ARHGEF26: variants seen among roughly 807,000 people sequenced by gnomAD.
The protein encoded by ARHGEF26 is Rho guanine nucleotide exchange factor (GEF) 26.
A neutral mutation model predicts 89.4 loss-of-function variants in ARHGEF26; 59 were observed. That is an observed-to-expected ratio of 0.66 (90% CI 0.54 to 0.82). The LOEUF (loss-of-function observed/expected upper bound fraction) is 0.82. Ranked by LOEUF, ARHGEF26 falls within the 40% of genes least tolerant of loss-of-function variation. The pLI, the probability that ARHGEF26 is intolerant of heterozygous loss-of-function variation, is 0.00. For synonymous variants in ARHGEF26, 500 were observed against 428.4 expected (o/e 1.17, Z -2.06); for missense variants, 1,234 against 1,085.6 (o/e 1.14, Z -1.92).
intron 12 of ARHGEF26, among the ~76,000 whole-genome samples, chr3:154,242,842 T>A (rs1031783309): frequency 6.6e-6 from 1 of 152,102 alleles, no homozygotes; most frequent in Non-Finnish European, 1.5e-5. Flanking sequence ...GAGCTTCATC[T>A]TCATGTGTTT....
chr3:154,245,638 G>C (rs932539793), intron 12 of ARHGEF26, among the ~76,000 whole-genome samples: 3 of 152,182 alleles, frequency 2.0e-5, no homozygotes, highest in Admixed American at 6.5e-5. Flanking sequence ...AGTGCTCGCT[G>C]TGTGTGCCAC....
chr3:154,217,874 TC>T lies in ARHGEF26; in HGVS notation c.1852del (p.Arg618AspfsTer15). On this transcript the variant is annotated frameshift_variant, in exon 10 of 15. Transcript: ENST00000465093. LOFTEE classifies it high-confidence loss of function. The part of the protein sequence containing the change: ...RALKEVSKLV[R>X]LCNEGARKME... The stretch of plus-strand genomic sequence containing the variant: ...TTACTCTTCTGTGTTCCCAGTTGGT[TC>T]GACTATGCAATGAGGGCGCCCGGAA... 6.3e-7 allele frequency: 1 copy of T among 1,596,884 alleles called. No homozygotes were observed.
intron 6 of ARHGEF26, among the ~76,000 whole-genome samples, chr3:154,172,828 A>G (rs1372738060): frequency 6.6e-6 from 1 of 152,184 alleles, no homozygotes; most frequent in African/African-American, 2.4e-5. Context: ...TTTTTGGGTC[A>G]TTTGTAGTGA....
At chr3:154,247,297 T>C (rs1292343758) in intron 12 of ARHGEF26, among the ~76,000 whole-genome samples, 2 of 152,208 alleles carry the variant, frequency 1.3e-5, no homozygotes, top group Admixed American at 1.3e-4. Flanking sequence ...ATTGACACTC[T>C]TTTGCGTTAT....
At chr3:154,126,874 T>C (rs1333321873) in intron 3 of ARHGEF26, among the ~76,000 whole-genome samples, 1 of 152,188 alleles carries the variant, frequency 6.6e-6, no homozygotes, top group Non-Finnish European at 1.5e-5. Flanking sequence ...CAGAGCGTAC[T>C]TAAACAAACC....
At chr3:154,168,645 A>G (rs764274227) in intron 6 of ARHGEF26, among the ~76,000 whole-genome samples, 4 of 152,174 alleles carry the variant, frequency 2.6e-5, no homozygotes, top group Non-Finnish European at 4.4e-5. Flanking sequence ...CTGTTTATAT[A>G]CTGAGAAGCC....
intron 6 of ARHGEF26, among the ~76,000 whole-genome samples, chr3:154,166,211 T>C (rs563931019): frequency 2.6e-5 from 4 of 152,112 alleles, no homozygotes; most frequent in African/African-American, 9.6e-5. Flanking sequence ...CCACCATGCC[T>C]GGCTAATTTT....
intron 10 of ARHGEF26, among the ~76,000 whole-genome samples, chr3:154,219,426 C>G (rs1183669070): frequency 2.0e-5 from 3 of 151,868 alleles, no homozygotes; most frequent in East Asian, 1.9e-4. Flanking sequence ...GAAACCCTGT[C>G]TCTACTAAAA....
intron 9 of ARHGEF26, among the ~76,000 whole-genome samples, chr3:154,199,950 G>C (rs148898135): frequency 1.4e-4 from 21 of 152,020 alleles, no homozygotes; most frequent in Non-Finnish European, 2.8e-4. Flanking sequence ...TATGTATTCT[G>C]GTTATTAATC....
At chr3:154,230,651 A>T (rs1716775819) in intron 11 of ARHGEF26, among the ~76,000 whole-genome samples, 1 of 152,168 alleles carries the variant, frequency 6.6e-6, no homozygotes, top group Admixed American at 6.5e-5. Context: ...TCTGGGGAAG[A>T]GTTTCCCTTT....
intron 6 of ARHGEF26, among the ~76,000 whole-genome samples, chr3:154,161,965 A>G (rs188755341): frequency 5.3e-5 from 8 of 152,238 alleles, no homozygotes; most frequent in Admixed American, 1.3e-4. Flanking sequence ...CATTGCCTTT[A>G]CAAATTCTAA....
At chr3:154,248,020 G>A (rs1425644711) in intron 12 of ARHGEF26, among the ~76,000 whole-genome samples, 14 of 152,190 alleles carry the variant, frequency 9.2e-5, no homozygotes, top group African/African-American at 2.4e-5. Context: ...ACAGACAGCT[G>A]CAGCTGGCAC....
intron 12 of ARHGEF26, among the ~76,000 whole-genome samples, chr3:154,246,141 C>CT (rs1462355371): frequency 6.6e-6 from 1 of 152,116 alleles, no homozygotes; most frequent in Admixed American, 6.5e-5. Flanking sequence ...GATAGGTACT[C>CT]TAACTTAGGT....
chr3:154,146,905 C>T (rs181680726), intron 4 of ARHGEF26, among the ~76,000 whole-genome samples: 117 of 152,324 alleles, frequency 7.7e-4, no homozygotes, highest in African/African-American at 2.6e-3. Context: ...AAGAACCTCA[C>T]ATTAAATCCA....
chr3:154,151,583 T>C (rs1216217936), intron 5 of ARHGEF26, among the ~76,000 whole-genome samples: 1 of 152,230 alleles, frequency 6.6e-6, no homozygotes, highest in African/African-American at 2.4e-5. Context: ...AATGAGACTC[T>C]TAACATTCTT....
chr3:154,122,913 T>G lies in ARHGEF26; in HGVS notation c.921T>G (p.Ser307=). The change falls in exon 2 of 15, where the codon TCT becomes TCG. Residue 307 remains serine, a synonymous_variant. Coordinates refer to ENST00000465093, the MANE Select transcript of ARHGEF26 (RefSeq NM_015595.4). The stretch of plus-strand genomic sequence containing the variant: ...ATAACGACGTGGATAGCCCAGGGTC[T>G]CTGCGGAGAGGCTTGCGGTCCACGT... ...EVDNDVDSPG[S]LRRGLRSTSY... is the part of the protein sequence containing the mutation. 1 of 1,613,564 alleles carries G rather than the reference T, an allele frequency of 6.2e-7. No homozygotes were observed. Among genetic ancestry groups the G allele is most frequent in the Non-Finnish European group, 8.5e-7 (1 of 1,179,734 alleles).
intron 12 of ARHGEF26, among the ~76,000 whole-genome samples, chr3:154,246,786 A>C (rs923518978): frequency 1.3e-5 from 2 of 152,198 alleles, no homozygotes; most frequent in Non-Finnish European, 2.9e-5. Context: ...TTGGAGACAA[A>C]AACAACAGGA....
intron 11 of ARHGEF26, among the ~76,000 whole-genome samples, chr3:154,238,343 G>T (rs1438294222): frequency 1.3e-5 from 2 of 152,152 alleles, no homozygotes; most frequent in Admixed American, 1.3e-4. Context: ...AATTAATACA[G>T]ATTACTATCC....
chr3:154,231,358 A>G (rs576353685), intron 11 of ARHGEF26, among the ~76,000 whole-genome samples: 3 of 152,298 alleles, frequency 2.0e-5, no homozygotes, highest in African/African-American at 7.2e-5. Context: ...GAGAAGCACA[A>G]TATCGATGCC....
Sources: allele counts gnomAD v4.1 joint callset (sites outside exome capture counted in the v4.1 genomes callset), GRCh38; gene constraint gnomAD v4.1.1; transcripts MANE v1.5; gene names NCBI Gene and HGNC (gene_info 2026-07-23, HGNC 2026-07-21).